The following ABCB9 variants were observed in gnomAD, a reference collection of about 807,000 sequenced individuals.
ABCB9 encodes ATP binding cassette subfamily B member 9, also known as ABC-type oligopeptide transporter ABCB9.
In ABCB9, 36 loss-of-function variants were observed where a neutral mutation model predicts 62.0. The observed-to-expected ratio is 0.58, with a 90% confidence interval of 0.45 to 0.77. ABCB9 has a LOEUF of 0.77. Among genes scored for constraint, ABCB9 ranks in the 30% least tolerant of loss-of-function variants. ABCB9 has a pLI of 0.00. For missense variants in ABCB9, 943 were observed against 1,054.7 expected, an observed-to-expected ratio of 0.89 and a Z score of 1.47; for synonymous variants, 435 against 461.4, an observed-to-expected ratio of 0.94 and a Z score of 0.73.
chr12:122,973,609 A>AAAAAAAC (rs762311490), intron 1 of ABCB9, among the ~76,000 whole-genome samples: 63 of 88,850 alleles, frequency 7.1e-4, no homozygotes, highest in Non-Finnish European at 1.3e-3. Context: ...AAAAAAAAAA[A>AAAAAAAC]CAAAAACTTT....
downstream of ABCB9, chr12:122,924,897 C>T: frequency 1.5e-6 from 2 of 1,366,256 alleles, no homozygotes; most frequent in Non-Finnish European, 1.0e-6. Flanking sequence ...ACTCTCCACA[C>T]CCACCAGGAT....
downstream of ABCB9, among the ~76,000 whole-genome samples, chr12:122,928,321 G>A (rs921034644): frequency 1.3e-5 from 2 of 151,948 alleles, no homozygotes; most frequent in African/African-American, 4.8e-5. Context: ...ATACAAAAAT[G>A]AGCCGGGTGT....
chr12:122,936,321 G>A (rs1459320752), intron 9 of ABCB9, among the ~76,000 whole-genome samples: 1 of 152,176 alleles, frequency 6.6e-6, no homozygotes, highest in African/African-American at 2.4e-5. Flanking sequence ...TTACTAAACT[G>A]TTAACACTGG....
chr12:122,930,982 G>A lies in ABCB9; in HGVS notation c.2041-811C>T, dbSNP rs945588527. On this transcript the variant is annotated intron_variant, in intron 11 of 11. Transcript: ENST00000280560. This position sits in a 1 kb window ranked among gnomAD's most constrained non-coding sequence, Gnocchi z 4.9. ...GTCACACAGTTATAAACTGTAGGAC[G>A]GAGCTGCTAATCCAGGTATCCCCAT... Among the ~76,000 whole-genome samples, 5 of 152,140 alleles carry A rather than the reference G, an allele frequency of 3.3e-5. No homozygotes were observed. The East Asian group carries it at 7.7e-4, about 23-fold the overall frequency.
intron 11 of ABCB9, among the ~76,000 whole-genome samples, chr12:122,922,039 G>A (rs932460256): frequency 8.5e-5 from 13 of 152,170 alleles, no homozygotes; most frequent in Middle Eastern, 3.4e-3. Context: ...GGAGACGCCC[G>A]GCCGGCCGCT....
intron 3 of ABCB9, 45 bp downstream of exon 3, chr12:122,950,406 C>T: frequency 2.0e-6 from 3 of 1,538,268 alleles, no homozygotes; most frequent in Non-Finnish European, 2.6e-6. Context: ...CTCCCTGGTG[C>T]AGGTCGGGGT....
At chr12:122,953,169 C>G (rs1057365543) in intron 2 of ABCB9, 4 of 152,190 alleles carry the variant, frequency 2.6e-5, no homozygotes, top group African/African-American at 9.7e-5. Context: ...GCCTCAGGAC[C>G]TTTGCATGGG....
At chr12:122,924,120 T>C (rs2034825319), downstream of ABCB9, among the ~76,000 whole-genome samples, 1 of 152,186 alleles carries the variant, frequency 6.6e-6, no homozygotes, top group Non-Finnish European at 1.5e-5. Context: ...GCCATCTTCC[T>C]GGGATTGGGG....
At chr12:122,942,861 G>A (rs922297389) in intron 7 of ABCB9, among the ~76,000 whole-genome samples, 31 of 152,180 alleles carry the variant, frequency 2.0e-4, no homozygotes, top group African/African-American at 7.2e-4. Context: ...ATACATCTTC[G>A]CCCACTGCTG....
Position 122,948,763 on chromosome 12 carries a change from T to C in ABCB9, c.914A>G (p.Asn305Ser), listed in dbSNP as rs752290653. 2.4e-5 allele frequency: 39 copies of C among 1,611,244 alleles called. No individual in the cohort carries two copies. Among genetic ancestry groups the C allele is most frequent in the East Asian group, 4.5e-5 (2 of 44,710 alleles). ...MVSDLVSQNINVFLRNTVKVT... is the reference protein window; with the variant it reads ...MVSDLVSQNISVFLRNTVKVT... ...CTTGACTGTGTTCCGCAGGAAGACA[T>C]TGATGTTCTGGGAGACCAGGTCGCT... is the stretch of plus-strand genomic sequence containing the variant. Residue 305 changes from asparagine to serine, a missense_variant, in exon 5 of 12, where the codon AAT becomes AGT. Asn to Ser is a conservative substitution (Grantham distance 46). Transcript: ENST00000280560.
At chr12:122,927,870 T>G (rs565246655), downstream of ABCB9, among the ~76,000 whole-genome samples, 1 of 152,330 alleles carries the variant, frequency 6.6e-6, no homozygotes, top group South Asian at 2.1e-4. Context: ...TGATCTCACA[T>G]GAAAATTGGA....
At chr12:122,970,317 G>A (rs890787007), upstream of ABCB9, among the ~76,000 whole-genome samples, 12 of 150,766 alleles carry the variant, frequency 8.0e-5, 1 homozygote, top group Admixed American at 6.0e-4. Flanking sequence ...GTGTGATCTC[G>A]GCTCACTGCA....
At chr12:122,937,182 AC>A (rs1325223255) in intron 9 of ABCB9, among the ~76,000 whole-genome samples, 1 of 151,706 alleles carries the variant, frequency 6.6e-6, no homozygotes, top group Non-Finnish European at 1.5e-5. Flanking sequence ...ACATGGTGAA[AC>A]CTTGTCTCTA....
Position 122,944,528 on chromosome 12 carries a change from G to C in ABCB9, c.1252-9C>G, listed in dbSNP as rs1202630966. ...ACCACCAGCAGTGTGAGCTGGGGCA[G>C]AGGGAGAGGGGATGTGGGTCGAGGG... On this transcript the variant is annotated splice_polypyrimidine_tract_variant and intron_variant, in intron 6 of 11. Coordinates refer to ENST00000280560, the MANE Select transcript of ABCB9 (RefSeq NM_019625.4). The surrounding 1 kb of genome is among the most constrained non-coding windows in gnomAD (Gnocchi z 4.9). 2.5e-6 allele frequency: 4 copies of C among 1,613,438 alleles called. No homozygotes were observed. Among genetic ancestry groups the C allele is most frequent in the Non-Finnish European group, 3.4e-6 (4 of 1,179,746 alleles).
At chr12:122,935,152 G>A (rs2035392342) in intron 10 of ABCB9, 120 bp downstream of exon 10, 1 of 1,235,838 alleles carries the variant, frequency 8.1e-7, no homozygotes, top group Non-Finnish European at 1.1e-6. Flanking sequence ...GGGTAACGTA[G>A]CGGGACCCCA....
intron 2 of ABCB9, chr12:122,951,008 ATTTTTTTT>A (rs1178686841): frequency 8.1e-6 from 1 of 123,754 alleles, no homozygotes; most frequent in Non-Finnish European, 1.6e-5. Context: ...TGCCAGGCTA[ATTTTTTTT>A]TTTTTTTTTT....
intron 1 of ABCB9, among the ~76,000 whole-genome samples, chr12:122,963,131 C>T (rs962469358): frequency 3.3e-5 from 5 of 152,106 alleles, no homozygotes; most frequent in Non-Finnish European, 7.4e-5. Flanking sequence ...AATCCCGTCT[C>T]TACTAAAAAT....
chr12:122,923,433 C>T (rs1388377486), intron 11 of ABCB9, among the ~76,000 whole-genome samples: 4 of 152,094 alleles, frequency 2.6e-5, no homozygotes, highest in Admixed American at 6.6e-5. Flanking sequence ...ACTACAGGCA[C>T]CCGCCACCAC....
chr12:122,921,708 C>T (rs899495393), intron 11 of ABCB9, among the ~76,000 whole-genome samples: 5 of 152,026 alleles, frequency 3.3e-5, no homozygotes, highest in South Asian at 2.1e-4. Flanking sequence ...ATATGGGAGG[C>T]GGGGTTTGCA....
Sources: allele counts gnomAD v4.1 joint callset (sites outside exome capture counted in the v4.1 genomes callset), GRCh38; gene constraint gnomAD v4.1.1; non-coding constraint Gnocchi (gnomAD v3.1); transcripts MANE v1.5; gene names NCBI Gene and HGNC (gene_info 2026-07-23, HGNC 2026-07-21).